C20orf203: variants seen among roughly 807,000 people sequenced by gnomAD.
The protein encoded by C20orf203 is chromosome 20 open reading frame 203, also known as uncharacterized protein C20orf203.
A neutral mutation model predicts 15.9 loss-of-function variants in C20orf203; 16 were observed. The observed-to-expected ratio is 1.01, with a 90% CI of 0.68 to 1.53. The LOEUF is 1.53. Ranked by LOEUF, C20orf203 falls within the 40% of genes most tolerant of loss-of-function variation. C20orf203 has a pLI of 0.00. For missense variants in C20orf203, 263 were observed against 247.5 expected (o/e 1.06, Z -0.42); for synonymous variants, 98 against 97.2 (o/e 1.01, Z -0.05).
chr20:32,643,592 G>A (rs1041969420), intron 4 of C20orf203, among the ~76,000 whole-genome samples: 1 of 150,628 alleles, frequency 6.6e-6, no homozygotes, highest in African/African-American at 2.5e-5. Context: ...ACATAGGCCT[G>A]GGTGCTAGTG....
intron 1 of C20orf203, among the ~76,000 whole-genome samples, chr20:32,666,155 T>TAAAAAAAAAAAAAAAAAAAAAGAA (rs1983016576): frequency 3.9e-5 from 4 of 102,776 alleles, no homozygotes; most frequent in African/African-American, 3.7e-5. Flanking sequence ...ATAAATAAAG[T>TAAAAAAAAAAAAAAAAAAAAAGAA]AAAAAAAAAA....
In C20orf203 at chr20:32,640,677, A is replaced by G. The variant is rs6087959; in HGVS notation, c.*1188T>C. ...CTGCACTCCATCCAGCCTGGGCAAA[A>G]GAGCGAGACTCTGTCTCAAAACAAA... On this transcript the variant is annotated 3_prime_UTR_variant, in exon 5 of 6. Transcript: ENST00000608990. The G allele has an allele frequency of 0.26, 39,524 of 152,168 alleles. 5,729 individuals are homozygous for G. Among genetic ancestry groups the G allele is most frequent in the Middle Eastern group, 0.35 (103 of 294 alleles). 9.4% of individuals were successfully genotyped at this position (152,168 alleles called of 1,614,324 possible).
intron 1 of C20orf203, among the ~76,000 whole-genome samples, chr20:32,668,028 G>A (rs1983075876): frequency 6.6e-6 from 1 of 152,158 alleles, no homozygotes; most frequent in African/African-American, 2.4e-5. Context: ...GGGCTAGCCC[G>A]CCTGGAGTGA....
intron 5 of C20orf203, among the ~76,000 whole-genome samples, chr20:32,640,091 A>G (rs1255678327): frequency 1.3e-5 from 2 of 152,198 alleles, no homozygotes; most frequent in African/African-American, 4.8e-5. Context: ...GTTTTTATGT[A>G]GATGTGTATT....
intron 5 of C20orf203, among the ~76,000 whole-genome samples, chr20:32,635,982 G>A (rs573624620): frequency 2.2e-4 from 34 of 152,262 alleles, no homozygotes; most frequent in Non-Finnish European, 4.9e-4. Context: ...TCTGACTCCT[G>A]CCGTTCCTGT....
In C20orf203 at chr20:32,672,039, C is replaced by T. The variant is rs559685250; in HGVS notation, c.-264+1593G>A. On this transcript the variant is annotated intron_variant, in intron 1 of 5. Transcript: ENST00000608990. ...GTGCACTTAAAAATTTAAGAGGAGC[C>T]GGGGCAGTGGCTCACGCCTGTAATC... Among the ~76,000 whole-genome samples, 7 of 150,228 alleles carry T rather than the reference C, an allele frequency of 4.7e-5. No homozygotes were observed. The Middle Eastern group carries it at 0.01, about 224-fold the overall frequency.
At position 32,632,697 on chromosome 20, in the gene C20orf203, C is replaced by G. The variant is rs1415373804; in HGVS notation, c.*2873G>C. On this transcript the variant is annotated 3_prime_UTR_variant, in exon 6 of 6. Transcript: ENST00000608990. ...GTCTTTAGTATTCATGTAACCAGAT[C>G]TAGAATTCTGGCTCCATGGTTTTCT... 6.6e-6 allele frequency: 1 copy of G among 152,152 alleles called. No homozygotes were observed. The highest frequency in any genetic ancestry group is 1.5e-5 in the Non-Finnish European group (1 of 68,040). The allele number at this position is 152,152 out of a possible 1,614,324, so 9.4% of individuals were successfully genotyped here. A position where few individuals can be genotyped will look rare whatever the true frequency, so the allele number is the denominator to read the frequency against.
rs549813618 is a variant in C20orf203, at chr20:32,662,884, TA to T, written c.-264+10747del. ...GGTGACAGGCGAGACTCTGTCTCTA[TA>T]AAAAAAAAAAAAAAACAAGAAAGGA... On this transcript the variant is annotated intron_variant, in intron 1 of 5. Transcript: ENST00000608990. 1.1e-3 allele frequency among the ~76,000 whole-genome samples: 122 copies of T among 111,024 alleles called. 1 individual carries two copies. Among genetic ancestry groups the T allele is most frequent in the East Asian group, 5.0e-3 (13 of 2,592 alleles). 72.8% of individuals were successfully genotyped at this position (111,024 alleles called of 152,430 possible). A position where few individuals can be genotyped will look rare whatever the true frequency, so the allele number is the denominator to read the frequency against.
At chr20:32,662,162 G>A (rs1303839709) in intron 1 of C20orf203, among the ~76,000 whole-genome samples, 2 of 152,210 alleles carry the variant, frequency 1.3e-5, no homozygotes, top group African/African-American at 4.8e-5. Context: ...GGGGCACAAA[G>A]GGAAACTCTT....
At position 32,649,385 on chromosome 20, in the gene C20orf203, C is replaced by G. The variant is rs1457579215; in HGVS notation, c.*1047G>C. On this transcript the variant is annotated 3_prime_UTR_variant, in exon 4 of 6. Coordinates refer to ENST00000608990, the MANE Select transcript of C20orf203 (RefSeq NM_182584.4). ...TCTCAAAAAACAAAACAAAGCCAAA[C>G]AAAACCAGACCCAACACATAGTAAG... 6.6e-6 allele frequency: 1 copy of G among 152,476 alleles called. No individual in the cohort carries two copies. The highest frequency in any genetic ancestry group is 1.5e-5 in the Non-Finnish European group (1 of 68,266). 9.4% of individuals were successfully genotyped at this position (152,476 alleles called of 1,614,324 possible). A position where few individuals can be genotyped will look rare whatever the true frequency, so the allele number is the denominator to read the frequency against.
rs2145657144 is a variant in C20orf203, at chr20:32,633,352, T to C, written c.*2218A>G. The C allele has an allele frequency of 1.3e-5, 2 of 152,282 alleles. No individual in the cohort carries two copies. The highest frequency in any genetic ancestry group is 6.8e-3 in the Middle Eastern group (2 of 294). 9.4% of individuals were successfully genotyped at this position (152,282 alleles called of 1,614,324 possible). ...AGTCCACCTGATGGTGATGATACTC[T>C]AGGAGGACAATGATCATATAGTAAG... On this transcript the variant is annotated 3_prime_UTR_variant, in exon 6 of 6. Coordinates refer to ENST00000608990, the MANE Select transcript of C20orf203 (RefSeq NM_182584.4).
chr20:32,664,357 C>A (rs115505701), intron 1 of C20orf203, among the ~76,000 whole-genome samples: 1 of 152,202 alleles, frequency 6.6e-6, no homozygotes, highest in Non-Finnish European at 1.5e-5. Context: ...CAGCCTGGAT[C>A]CCCACACAGG....
At chr20:32,666,823 A>ATATATATATATATATATATATG (rs1568756061) in intron 1 of C20orf203, among the ~76,000 whole-genome samples, 22 of 106,792 alleles carry the variant, frequency 2.1e-4, no homozygotes, top group Non-Finnish European at 3.7e-4. Context: ...ATATATATAT[A>ATATATATATATATATATATATG]TAGTTTTGTT....
intron 4 of C20orf203, among the ~76,000 whole-genome samples, chr20:32,641,977 A>G (rs971555081): frequency 6.6e-6 from 1 of 152,108 alleles, no homozygotes; most frequent in Non-Finnish European, 1.5e-5. Flanking sequence ...AGTTGGGACT[A>G]CAGGCACCAG....
chr20:32,665,428 G>C (rs1313104297), intron 1 of C20orf203, among the ~76,000 whole-genome samples: 1 of 152,208 alleles, frequency 6.6e-6, no homozygotes, highest in African/African-American at 2.4e-5. Context: ...AGGGAAGAAA[G>C]ACATAAACAC....
rs35103329 is a variant in C20orf203 at position 32,650,337 on chromosome 20, G to A, written c.*95C>T. 121,202 of 878,936 alleles carry A rather than the reference G, an allele frequency of 0.14. 9,368 individuals carry two copies. Among genetic ancestry groups the A allele is most frequent in the South Asian group, 0.23 (14,203 of 60,788 alleles). 54.4% of individuals were successfully genotyped at this position (878,936 alleles called of 1,614,324 possible). The stretch of plus-strand genomic sequence containing the variant: ...CATCCCCCACTCTGGGGAGCAGAAT[G>A]ATTGTGGGGGGTGGTAACAGGGGAC... On this transcript the variant is annotated 3_prime_UTR_variant, in exon 4 of 6. Transcript: ENST00000608990.
intron 1 of C20orf203, among the ~76,000 whole-genome samples, chr20:32,669,355 G>A (rs546346110): frequency 3.3e-5 from 5 of 152,322 alleles, no homozygotes; most frequent in South Asian, 2.1e-4. Context: ...CCTATGGCCC[G>A]AATTTTCCTG....
At chr20:32,659,912 GTAT>G (rs1982850816) in intron 1 of C20orf203, among the ~76,000 whole-genome samples, 1 of 152,178 alleles carries the variant, frequency 6.6e-6, no homozygotes, top group South Asian at 2.1e-4. Context: ...TATATCAAAT[GTAT>G]TATATTAACA....
intron 1 of C20orf203, among the ~76,000 whole-genome samples, chr20:32,661,476 C>G (rs1209381215): frequency 2.0e-5 from 3 of 152,186 alleles, no homozygotes; most frequent in Non-Finnish European, 4.4e-5. Flanking sequence ...TGGTGTCCAG[C>G]CCTGGCCCTC....
Sources: gnomAD v4.1 joint callset for allele counts (sites outside exome capture counted in the v4.1 genomes callset) on GRCh38, gnomAD v4.1.1 for gene constraint, MANE v1.5 for transcripts, NCBI Gene and HGNC (gene_info 2026-07-23, HGNC 2026-07-21) for gene names.